Variants in PRDM5 observed in about 807,000 individuals in gnomAD.
PRDM5 encodes the protein PR/SET domain 5, also known as PR domain zinc finger protein 5.
A neutral mutation model predicts 81.2 loss-of-function variants in PRDM5; 56 were observed. That is an observed-to-expected ratio of 0.69 (90% confidence interval 0.56 to 0.86). PRDM5 has a LOEUF of 0.86. PRDM5 is among the 40% of genes least tolerant of loss of function. The pLI is 0.00. For missense variants in PRDM5, 697 were observed against 770.1 expected (o/e 0.91, Z 1.12); for synonymous variants, 267 against 256.4 (o/e 1.04, Z -0.39).
At chr4:120,737,335 A>C (rs1741263868) in intron 14 of PRDM5, among the ~76,000 whole-genome samples, 1 of 152,204 alleles carries the variant, frequency 6.6e-6, no homozygotes, top group Admixed American at 6.5e-5. Context: ...ACTGCCTCCC[A>C]TATGGTAAAA....
At chr4:120,869,713 A>G (rs1761576193) in intron 2 of PRDM5, among the ~76,000 whole-genome samples, 1 of 152,222 alleles carries the variant, frequency 6.6e-6, no homozygotes, top group Non-Finnish European at 1.5e-5. Context: ...GGAGACTGGC[A>G]CAGATACAGA....
intron 2 of PRDM5, 87 bp downstream of exon 2, chr4:120,907,387 A>C: frequency 8.9e-7 from 1 of 1,129,338 alleles, no homozygotes; most frequent in African/African-American, 1.6e-5. Flanking sequence ...CTTAACTGGA[A>C]TCAATATCAA....
At chr4:120,698,419 T>A (rs1734840822) in intron 15 of PRDM5, among the ~76,000 whole-genome samples, 1 of 152,196 alleles carries the variant, frequency 6.6e-6, no homozygotes. Flanking sequence ...AATAGGCCCT[T>A]CCTCCATCCT....
chr4:120,765,966 T>C (rs2149193421), intron 13 of PRDM5, among the ~76,000 whole-genome samples: 1 of 149,306 alleles, frequency 6.7e-6, no homozygotes, highest in African/African-American at 2.4e-5. Context: ...TTTCTTTCTT[T>C]TTTTTTTTTT....
rs1427917248 is a variant in PRDM5, at chr4:120,745,050, G to A, written c.1623+9503C>T. Among the ~76,000 whole-genome samples, 97 of 146,880 alleles carry A rather than the reference G, an allele frequency of 6.6e-4. 2 individuals are homozygous for A. In the East Asian group the frequency reaches 0.016, roughly 24 times the overall value. On this transcript the variant is annotated intron_variant, in intron 14 of 15. Coordinates refer to ENST00000264808, the MANE Select transcript of PRDM5 (RefSeq NM_018699.4). The stretch of plus-strand genomic sequence containing the variant: ...ATCCTCAATAAAATACTGGCAAACC[G>A]AATCCAGCAGCACATCAAAAAGCTT...
chr4:120,811,230 G>A, intron 8 of PRDM5, 140 bp downstream of exon 8: 1 of 513,348 alleles, frequency 1.9e-6, no homozygotes, highest in Non-Finnish European at 3.4e-6. Context: ...TGCTAATGTT[G>A]TTAGAGTTAA....
At chr4:120,732,587 C>A (rs1323989944) in intron 14 of PRDM5, among the ~76,000 whole-genome samples, 7 of 109,442 alleles carry the variant, frequency 6.4e-5, no homozygotes, top group Non-Finnish European at 9.2e-5. Context: ...GACAATACAA[C>A]AGGTTACTTC....
At chr4:120,827,119 C>T (rs1756101255) in intron 3 of PRDM5, among the ~76,000 whole-genome samples, 1 of 152,100 alleles carries the variant, frequency 6.6e-6, no homozygotes, top group Non-Finnish European at 1.5e-5. Context: ...CTCGCAAAGC[C>T]CTTCCTTCGG....
chr4:120,808,246 C>G (rs1056023265), intron 8 of PRDM5, among the ~76,000 whole-genome samples: 2 of 152,050 alleles, frequency 1.3e-5, no homozygotes, highest in Non-Finnish European at 2.9e-5. Flanking sequence ...CTGATTGGTC[C>G]GTTTTGACAG....
intron 2 of PRDM5, among the ~76,000 whole-genome samples, chr4:120,885,157 G>GAA (rs1561604291): frequency 7.1e-5 from 7 of 98,852 alleles, no homozygotes; most frequent in African/African-American, 3.6e-4. Flanking sequence ...AAAAAAAAAA[G>GAA]TAAAAAAGAA....
chr4:120,856,861 T>G (rs1337668508), intron 2 of PRDM5, among the ~76,000 whole-genome samples: 3 of 152,214 alleles, frequency 2.0e-5, no homozygotes, highest in Non-Finnish European at 4.4e-5. Flanking sequence ...CAAGACTTAG[T>G]CTTCCAAATA....
chr4:120,781,919 G>A (rs559732023), intron 11 of PRDM5, among the ~76,000 whole-genome samples: 38 of 152,294 alleles, frequency 2.5e-4, no homozygotes, highest in African/African-American at 8.9e-4. Flanking sequence ...GAGGGATGGG[G>A]TCTTTCAGAG....
At chr4:120,794,103 T>C (rs75224403) in intron 10 of PRDM5, among the ~76,000 whole-genome samples, 5,280 of 152,262 alleles carry the variant, frequency 0.035, 304 homozygotes, top group African/African-American at 0.12. Context: ...AAATCCTGCA[T>C]GTCCCTCATA....
rs369161661 is a variant in PRDM5, at chr4:120,695,919, T to C, written c.1729-644A>G. On this transcript the variant is annotated intron_variant, in intron 15 of 15. Coordinates refer to ENST00000264808, the MANE Select transcript of PRDM5 (RefSeq NM_018699.4). ...ATGAAACTCTTCAAAATCATATCCG[T>C]TGTGAAATAAGACATGTTAAATAAT... Among the ~76,000 whole-genome samples the C allele has an allele frequency of 2.6e-5, 4 of 152,086 alleles. No homozygotes were observed. The East Asian group carries it at 5.8e-4, about 22-fold the overall frequency.
intron 3 of PRDM5, among the ~76,000 whole-genome samples, chr4:120,853,104 C>T (rs187721967): frequency 2.0e-5 from 3 of 152,226 alleles, no homozygotes; most frequent in Admixed American, 1.3e-4. Context: ...AATAAACTAT[C>T]AAACAAATTA....
intron 15 of PRDM5, among the ~76,000 whole-genome samples, chr4:120,704,130 A>C (rs1735776255): frequency 6.6e-6 from 1 of 152,172 alleles, no homozygotes; most frequent in Admixed American, 6.5e-5. Flanking sequence ...AAGTCCTAGA[A>C]GCTCCACACT....
rs146350344 is a variant in PRDM5, at chr4:120,885,055, A to C, written c.177+22419T>G. On this transcript the variant is annotated intron_variant, in intron 2 of 15. Coordinates refer to ENST00000264808, the MANE Select transcript of PRDM5 (RefSeq NM_018699.4). ...GAGGCTGAGGCAGGAGAATGGCCTG[A>C]ACCCGGGAGGGCGAGCTTGCAGTGA... Among the ~76,000 whole-genome samples the C allele has an allele frequency of 4.2e-3, 629 of 149,738 alleles. 6 individuals are homozygous for C. The highest frequency in any genetic ancestry group is 0.015 in the African/African-American group (618 of 40,254).
At chr4:120,731,168 C>T (rs1740192729) in intron 14 of PRDM5, among the ~76,000 whole-genome samples, 1 of 152,126 alleles carries the variant, frequency 6.6e-6, no homozygotes, top group Non-Finnish European at 1.5e-5. Flanking sequence ...AGGCAGTCAG[C>T]TAGACCCTGA....
chr4:120,716,865 C>G (rs1315425903), intron 14 of PRDM5, among the ~76,000 whole-genome samples: 1 of 152,062 alleles, frequency 6.6e-6, no homozygotes, highest in Admixed American at 6.6e-5. Context: ...AGAAAATAAA[C>G]GCATTTTCTT....
Sources: gnomAD v4.1 joint callset for allele counts (sites outside exome capture counted in the v4.1 genomes callset) on GRCh38, gnomAD v4.1.1 for gene constraint, MANE v1.5 for transcripts, NCBI Gene and HGNC (gene_info 2026-07-23, HGNC 2026-07-21) for gene names.